The following HUWE1 variants were observed in gnomAD, a reference collection of about 807,000 sequenced individuals.
HUWE1 encodes the protein E3 ubiquitin-protein ligase HUWE1.
Under a neutral mutation model 299.4 loss-of-function variants are expected in HUWE1, and 18 were observed. The observed-to-expected ratio is 0.06, with a 90% CI of 0.04 to 0.09. The LOEUF is 0.09. Among genes scored for constraint, HUWE1 ranks in the 10% least tolerant of loss-of-function variants. The pLI is 1.00. For missense variants in HUWE1, 1,832 were observed against 3,462.3 expected (o/e 0.53, Z 11.82); for synonymous variants, 1,317 against 1,286.1 (o/e 1.02, Z -0.51).
intron 66 of HUWE1, among the ~76,000 whole-genome samples, chrX:53,550,298 T>C (rs1186905857): frequency 1.8e-5 from 2 of 111,974 alleles, no homozygotes; most frequent in African/African-American, 3.3e-5. Flanking sequence ...AGGCCCACTC[T>C]GTTTTAGCCT....
Position 53,629,588 on chromosome X carries a change from T to C in HUWE1, c.891A>G (p.Ala297=). 8.4e-7 allele frequency: 1 copy of C among 1,195,108 alleles called. No individual in the cohort carries two copies. Among genetic ancestry groups the C allele is most frequent in the Non-Finnish European group, 1.1e-6 (1 of 880,490 alleles). The change falls in exon 13 of 84, where the codon GCA becomes GCG. Residue 297 remains alanine, a synonymous_variant. Coordinates refer to ENST00000262854, the MANE Select transcript of HUWE1 (RefSeq NM_031407.7). ...TCAAGCCATTATACAAGATACTGTT[T>C]GCTGATTCCTGCAAGGCATTGGAAT... ...LVYSNALQES[A]NSILYNGLIE...
chrX:53,614,148 C>G (rs2065661204), intron 23 of HUWE1, among the ~76,000 whole-genome samples: 1 of 110,777 alleles, frequency 9.0e-6, no homozygotes, highest in African/African-American at 3.3e-5. Flanking sequence ...GTCTGTAATC[C>G]CAGCTACTTG....
chrX:53,637,683 C>A (rs782395770), intron 7 of HUWE1, among the ~76,000 whole-genome samples: 5 of 112,361 alleles, frequency 4.4e-5, no homozygotes, highest in African/African-American at 1.6e-4. Flanking sequence ...TCAAACGTGA[C>A]TCACGAAAGT....
intron 43 of HUWE1, among the ~76,000 whole-genome samples, chrX:53,577,878 C>A (rs1274667902): frequency 4.4e-5 from 5 of 113,419 alleles, no homozygotes; most frequent in Non-Finnish European, 9.5e-5. Flanking sequence ...GCTACAACCT[C>A]CACCTCCCAG....
At chrX:53,645,284 C>T (rs1569507742) in intron 7 of HUWE1, 27 bp downstream of exon 7, 1 of 1,207,881 alleles carries the variant, frequency 8.3e-7, no homozygotes, top group Non-Finnish European at 1.1e-6. Context: ...ATTTTTGCAC[C>T]CCTCCAACTC....
intron 49 of HUWE1, among the ~76,000 whole-genome samples, chrX:53,566,074 T>C (rs2062519114): frequency 2.0e-5 from 2 of 101,987 alleles, no homozygotes; most frequent in African/African-American, 7.2e-5. Flanking sequence ...GCTTTATGTG[T>C]GTATTTATGT....
Position 53,535,418 on chromosome X carries a change from C to T in HUWE1, c.12615G>A (p.Glu4205=), listed in dbSNP as rs782350770. ...NILVTEENKK[E]YVHLVCQMRM... Reference sequence around the variant, plus strand: ...TCATCTGGCATACCAGGTGTACATACTCCTTCTTATTCTCCTCTGTTACCA... The same window carrying T: ...TCATCTGGCATACCAGGTGTACATATTCCTTCTTATTCTCCTCTGTTACCA... Residue 4205 remains glutamate, a synonymous_variant, in exon 81 of 84, where the codon GAG becomes GAA. Transcript: ENST00000262854. 40 of 1,202,531 alleles carry T rather than the reference C, an allele frequency of 3.3e-5. No homozygotes were observed. Among genetic ancestry groups the T allele is most frequent in the Non-Finnish European group, 4.5e-5 (40 of 888,469 alleles).
intron 29 of HUWE1, among the ~76,000 whole-genome samples, chrX:53,597,556 AACAAG>A (rs2064560917): frequency 1.2e-5 from 1 of 86,350 alleles, no homozygotes. Flanking sequence ...AGGCCTGGGC[AACAAG>A]ACCCCTTTTC....
chrX:53,598,594 T>C (rs1432589093), intron 29 of HUWE1, among the ~76,000 whole-genome samples: 5 of 112,051 alleles, frequency 4.5e-5, no homozygotes, highest in Admixed American at 1.9e-4. Flanking sequence ...TTTTCCTTTA[T>C]CTAGCTTACT....
intron 59 of HUWE1, 150 bp from the exon 60 acceptor site, chrX:53,557,577 C>A: frequency 2.0e-6 from 1 of 510,259 alleles, no homozygotes; most frequent in South Asian, 2.7e-5. Flanking sequence ...GGAAGGTGAT[C>A]ATTTCACTGT....
intron 21 of HUWE1, 46 bp downstream of exon 21, chrX:53,616,924 C>A (rs2065839660): frequency 1.8e-6 from 2 of 1,089,212 alleles, no homozygotes; most frequent in Non-Finnish European, 1.3e-6. Flanking sequence ...AGTTTCCTTG[C>A]AAACTAAATC....
rs2062688336 is a variant in HUWE1, at chrX:53,568,818, G to C, written c.6581C>G (p.Ser2194Cys). ...STIMESCPST[S>C]SFYSSATAKT... ...CGCTGTGGCACTGCTGTAGAAGCTG[G>C]AGGTGGAGGGGCAGGACTCCATGAT... Residue 2194 changes from serine to cysteine, a missense_variant, in exon 49 of 84, where the codon TCC becomes TGC. Coordinates refer to ENST00000262854, the MANE Select transcript of HUWE1 (RefSeq NM_031407.7). 8.3e-7 allele frequency: 1 copy of C among 1,209,334 alleles called. No homozygotes were observed. The highest frequency in any genetic ancestry group is 1.7e-5 in the African/African-American group (1 of 57,745).
chrX:53,653,518 G>T (rs1165004293), intron 4 of HUWE1, among the ~76,000 whole-genome samples: 3 of 111,570 alleles, frequency 2.7e-5, no homozygotes, highest in African/African-American at 9.8e-5. Flanking sequence ...AAGCTAGCTG[G>T]TGGAATATTA....
intron 3 of HUWE1, among the ~76,000 whole-genome samples, chrX:53,678,306 G>C (rs1391985276): frequency 9.8e-5 from 11 of 111,745 alleles, no homozygotes; most frequent in Non-Finnish European, 1.5e-4. Context: ...AGACCAAGCT[G>C]GTCAACAAGT....
chrX:53,586,507 T>G lies in HUWE1; in HGVS notation c.4807A>C (p.Arg1603=). 8.3e-7 allele frequency: 1 copy of G among 1,205,264 alleles called. No individual in the cohort carries two copies. The highest frequency in any genetic ancestry group is 2.2e-5 in the Admixed American group (1 of 46,027). ...TTACACACCTTAGTCATCTGGGCTC[T>G]CCTTTTTGAGGAGATGGCTGTCTTT... The part of the protein sequence containing the change: ...YEKTAISSKR[R]AQMTKYLQSN... Residue 1603 remains arginine (R), a synonymous_variant, in exon 39 of 84, where the codon AGA becomes CGA. Coordinates refer to ENST00000262854, the MANE Select transcript of HUWE1 (RefSeq NM_031407.7).
At chrX:53,612,105 T>C (rs1241400659) in intron 23 of HUWE1, among the ~76,000 whole-genome samples, 1 of 111,671 alleles carries the variant, frequency 9.0e-6, no homozygotes, top group Non-Finnish European at 1.9e-5. Flanking sequence ...GGATAGAAGA[T>C]AAAAAGAACT....
chrX:53,540,331 CTTTT>C (rs112801686), intron 74 of HUWE1, among the ~76,000 whole-genome samples: 3 of 102,992 alleles, frequency 2.9e-5, no homozygotes, highest in African/African-American at 7.0e-5. Flanking sequence ...AGTCTAATGC[CTTTT>C]TTTTTTTTTC....
intron 23 of HUWE1, among the ~76,000 whole-genome samples, chrX:53,609,481 C>T (rs1247011675): frequency 8.9e-6 from 1 of 112,083 alleles, no homozygotes; most frequent in African/African-American, 3.2e-5. Flanking sequence ...CACCTGAGGT[C>T]TCCCTTCCCT....
At chrX:53,539,155 A>G in intron 75 of HUWE1, 75 bp from the exon 76 acceptor site, 1 of 1,031,678 alleles carries the variant, frequency 9.7e-7, no homozygotes, top group Admixed American at 2.4e-5. Flanking sequence ...GCCATCATAA[A>G]CAAATTATAA....
Sources: gnomAD v4.1 joint callset for allele counts (sites outside exome capture counted in the v4.1 genomes callset) on GRCh38, gnomAD v4.1.1 for gene constraint, MANE v1.5 for transcripts, NCBI Gene and HGNC (gene_info 2026-07-23, HGNC 2026-07-21) for gene names.